Variants in ASPSCR1 observed in about 807,000 individuals in gnomAD.
ASPSCR1 encodes tether containing UBX domain for GLUT4.
Under a neutral mutation model 68.9 loss-of-function variants are expected in ASPSCR1, and 55 were observed. That is an observed-to-expected ratio of 0.80 (90% CI 0.64 to 1.00). The LOEUF is 1.00. ASPSCR1 is among the 50% of genes least tolerant of loss of function. The pLI is 0.00. For missense variants in ASPSCR1, 765 were observed against 762.2 expected (o/e 1.00, Z -0.04); for synonymous variants, 352 against 332.6 (o/e 1.06, Z -0.63).
Position 81,987,649 on chromosome 17 carries a change from A to G in ASPSCR1, c.374+2042A>G, listed in dbSNP as rs1056145465. ...GCATTGTGGTAGCATAAGCCTCTTCAACAGACTTTGTAAACCTCGTGTGAA... is the reference window on the plus strand; with the variant it reads ...GCATTGTGGTAGCATAAGCCTCTTCGACAGACTTTGTAAACCTCGTGTGAA... On this transcript the variant is annotated intron_variant, in intron 4 of 15. Transcript: ENST00000306739. The surrounding 1 kb of genome is among the most constrained non-coding windows in gnomAD (Gnocchi z 5.6). 6.6e-6 allele frequency among the ~76,000 whole-genome samples: 1 copy of G among 152,134 alleles called. No individual in the cohort carries two copies. Among genetic ancestry groups the G allele is most frequent in the Admixed American group, 6.5e-5 (1 of 15,276 alleles).
intron 7 of ASPSCR1, among the ~76,000 whole-genome samples, chr17:82,002,382 C>G (rs931648114): frequency 6.6e-6 from 1 of 151,396 alleles, no homozygotes; most frequent in East Asian, 1.9e-4. Context: ...CTCAGCCTCC[C>G]GAGTAGCTGG....
chr17:82,003,015 C>G (rs986080083), intron 7 of ASPSCR1, among the ~76,000 whole-genome samples: 3 of 152,042 alleles, frequency 2.0e-5, no homozygotes, highest in African/African-American at 7.2e-5. Context: ...GCTGGGATTA[C>G]AGGTGCCCGT....
intron 7 of ASPSCR1, among the ~76,000 whole-genome samples, chr17:81,998,772 C>T (rs1001255441): frequency 6.6e-6 from 1 of 152,258 alleles, no homozygotes; most frequent in Non-Finnish European, 1.5e-5. Context: ...GGGAGCTGGG[C>T]AGTGGCCCCT....
intron 7 of ASPSCR1, among the ~76,000 whole-genome samples, chr17:82,002,366 T>TTCTGCC (rs1325160972): frequency 1.3e-5 from 2 of 151,500 alleles, no homozygotes; most frequent in Non-Finnish European, 2.9e-5. Flanking sequence ...CAAGTAATTT[T>TTCTGCC]TCTGCCTCAG....
At chr17:82,001,274 G>A (rs2042519892) in intron 7 of ASPSCR1, among the ~76,000 whole-genome samples, 1 of 152,136 alleles carries the variant, frequency 6.6e-6, no homozygotes, top group Non-Finnish European at 1.5e-5. Flanking sequence ...ATTGGGCCAG[G>A]GGCTCCTGCC....
At chr17:82,006,654 G>C (rs932176361) in intron 7 of ASPSCR1, 2 of 152,290 alleles carry the variant, frequency 1.3e-5, no homozygotes, top group Non-Finnish European at 1.5e-5. Context: ...CCTGGCACCG[G>C]CGAGGAGGCT....
At chr17:82,008,917 A>G in intron 7 of ASPSCR1, 120 bp from the exon 8 acceptor site, 1 of 1,337,120 alleles carries the variant, frequency 7.5e-7, no homozygotes. Context: ...GGCCGGGGCC[A>G]GGGAGGGAGT....
At chr17:82,003,463 C>T (rs1460718264) in intron 7 of ASPSCR1, among the ~76,000 whole-genome samples, 6 of 152,228 alleles carry the variant, frequency 3.9e-5, no homozygotes, top group Non-Finnish European at 8.8e-5. Flanking sequence ...AGAAACATCT[C>T]TGCTTTGGGC....
intron 4 of ASPSCR1, 123 bp downstream of exon 4, chr17:81,985,730 C>T: frequency 1.1e-6 from 1 of 899,348 alleles, no homozygotes. Context: ...CCTCTTGGCA[C>T]TTTGCAGTCC....
chr17:82,006,929 C>G (rs905310226), intron 7 of ASPSCR1: 2 of 152,384 alleles, frequency 1.3e-5, no homozygotes, highest in African/African-American at 4.8e-5. Flanking sequence ...CTCCCCCTTC[C>G]TGGCCCCTCT....
chr17:81,988,066 A>C (rs1424292255), intron 4 of ASPSCR1, among the ~76,000 whole-genome samples: 1 of 149,468 alleles, frequency 6.7e-6, no homozygotes, highest in East Asian at 2.0e-4. Flanking sequence ...GCTGAGGCAG[A>C]AGAATTGCTT....
intron 2 of ASPSCR1, among the ~76,000 whole-genome samples, chr17:81,981,448 G>T (rs928469455): frequency 1.3e-5 from 2 of 152,118 alleles, no homozygotes; most frequent in South Asian, 4.1e-4. Context: ...GCGCTATCTC[G>T]GCTCACTGCA....
In ASPSCR1 at chr17:81,999,886, C is replaced by G. The variant is rs1243923804; in HGVS notation, c.933+3040C>G. Among the ~76,000 whole-genome samples, 7 of 152,212 alleles carry G rather than the reference C, an allele frequency of 4.6e-5. No individual in the cohort carries two copies. Among genetic ancestry groups the G allele is most frequent in the Admixed American group, 4.6e-4 (7 of 15,288 alleles). On this transcript the variant is annotated intron_variant, in intron 7 of 15. Transcript: ENST00000306739. The surrounding 1 kb of genome is among the most constrained non-coding windows in gnomAD (Gnocchi z 4.4). ...TGGGGGCTCCCATCTAGCCCGGCGT[C>G]AGGGTCCAGCCCCTCTGTTTTCTGT...
chr17:82,009,695 C>T (rs1295090341), intron 9 of ASPSCR1, 128 bp downstream of exon 9: 19 of 370,852 alleles, frequency 5.1e-5, no homozygotes, highest in Admixed American at 6.5e-5. Context: ...GTGGACAGGA[C>T]GTGGTGGCGA....
Position 81,978,998 on chromosome 17 carries a change from A to C in ASPSCR1, c.103-186A>C, listed in dbSNP as rs542071142. On this transcript the variant is annotated intron_variant, in intron 1 of 15. Transcript: ENST00000306739. ...ATGGTGAAGAAGGGAGGGAGAGTGG[A>C]CAGGATTTGCAGGTGAGAGCCTGCA... Among the ~76,000 whole-genome samples, 5 of 152,268 alleles carry C rather than the reference A, an allele frequency of 3.3e-5. No individual in the cohort carries two copies. In the East Asian group the frequency reaches 9.6e-4, roughly 29 times the overall value.
At chr17:82,003,487 C>G (rs1288103901) in intron 7 of ASPSCR1, among the ~76,000 whole-genome samples, 1 of 152,216 alleles carries the variant, frequency 6.6e-6, no homozygotes, top group Non-Finnish European at 1.5e-5. Flanking sequence ...CCTTGTTGGC[C>G]TCTCCCCAGC....
rs564346644 is a variant in ASPSCR1, at chr17:81,986,629, G to A, written c.374+1022G>A. ...GGCTGGGGTTTGCTGTGAGCCAGGG[G>A]GTTCTCGCCCTCCCCGGGCCTCAGT... On this transcript the variant is annotated intron_variant, in intron 4 of 15. Coordinates refer to ENST00000306739, the MANE Select transcript of ASPSCR1 (RefSeq NM_024083.4). The surrounding 1 kb of genome is among the most constrained non-coding windows in gnomAD (Gnocchi z 5.2). Among the ~76,000 whole-genome samples, 23 of 151,448 alleles carry A rather than the reference G, an allele frequency of 1.5e-4. No homozygotes were observed. The South Asian group carries it at 4.6e-3, about 30-fold the overall frequency.
intron 12 of ASPSCR1, 122 bp from the exon 13 acceptor site, chr17:82,016,354 G>A (rs2043125463): frequency 1.1e-6 from 1 of 873,270 alleles, no homozygotes; most frequent in Non-Finnish European, 1.7e-6. Flanking sequence ...GCTCATGGGG[G>A]CCGGGCAGGC....
chr17:81,996,372 G>A (rs781327542), intron 6 of ASPSCR1, 48 bp from the exon 7 acceptor site: 11 of 1,531,486 alleles, frequency 7.2e-6, no homozygotes, highest in South Asian at 6.3e-5. Context: ...AGGGTGAGCC[G>A]GGGGTAGGCA....
Sources: gnomAD v4.1 joint callset for allele counts (sites outside exome capture counted in the v4.1 genomes callset) on GRCh38, gnomAD v4.1.1 for gene constraint, Gnocchi (gnomAD v3.1) non-coding constraint, MANE v1.5 for transcripts, NCBI Gene and HGNC (gene_info 2026-07-23, HGNC 2026-07-21) for gene names.